Variants in NAALADL2 observed in about 807,000 individuals in gnomAD.
NAALADL2 encodes inactive N-acetylated-alpha-linked acidic dipeptidase-like protein 2.
NAALADL2 carries 76 observed loss-of-function variants against 87.2 expected under a neutral mutation model. That is an observed-to-expected ratio of 0.87 (90% CI 0.72 to 1.05). NAALADL2 has a LOEUF of 1.05. NAALADL2 is among the 50% of genes least tolerant of loss of function. The pLI is 0.00. For missense variants in NAALADL2, 1,089 were observed against 945.8 expected, an observed-to-expected ratio of 1.15 and a Z score of -1.99; for synonymous variants, 354 against 331.0, an observed-to-expected ratio of 1.07 and a Z score of -0.75.
At chr3:175,173,005 A>G (rs988116692) in intron 2 of NAALADL2, among the ~76,000 whole-genome samples, 1 of 152,052 alleles carries the variant, frequency 6.6e-6, no homozygotes, top group Non-Finnish European at 1.5e-5. Context: ...AAATATTGCA[A>G]TGAAGCCAGG....
intron 1 of NAALADL2, among the ~76,000 whole-genome samples, chr3:174,476,931 A>G (rs189737660): frequency 6.6e-6 from 1 of 152,190 alleles, no homozygotes; most frequent in East Asian, 1.9e-4. Flanking sequence ...GAAGTGCGAA[A>G]GATTCAGGGA....
chr3:174,683,357 G>A (rs1727730941), intron 2 of NAALADL2, among the ~76,000 whole-genome samples: 1 of 152,114 alleles, frequency 6.6e-6, no homozygotes. Flanking sequence ...GTCCATTTAA[G>A]TAAAAATTCA....
chr3:175,778,222 G>C (rs1403695125), intron 13 of NAALADL2, among the ~76,000 whole-genome samples: 2 of 152,184 alleles, frequency 1.3e-5, no homozygotes, highest in African/African-American at 4.8e-5. Flanking sequence ...CAGAGTGCCA[G>C]ATAGATTTTT....
intron 1 of NAALADL2, among the ~76,000 whole-genome samples, chr3:174,965,198 C>T (rs893577320): frequency 1.3e-5 from 2 of 152,118 alleles, no homozygotes; most frequent in African/African-American, 4.8e-5. Flanking sequence ...CTGGAGATCT[C>T]AGTTCCTCAC....
At chr3:175,316,474 A>G (rs957883067) in intron 4 of NAALADL2, among the ~76,000 whole-genome samples, 11 of 152,178 alleles carry the variant, frequency 7.2e-5, no homozygotes, top group African/African-American at 2.7e-4. Flanking sequence ...TGAGAGAGAT[A>G]AGTCAGGAAT....
intron 4 of NAALADL2, among the ~76,000 whole-genome samples, chr3:175,280,848 T>C (rs1388574838): frequency 6.6e-6 from 1 of 152,032 alleles, no homozygotes; most frequent in Admixed American, 6.6e-5. Context: ...TGTTTGACCA[T>C]TTTTAATCTT....
chr3:175,058,079 A>AT (rs1234897654), intron 1 of NAALADL2, among the ~76,000 whole-genome samples: 3 of 152,034 alleles, frequency 2.0e-5, no homozygotes, highest in South Asian at 2.1e-4. Context: ...TAGAACAGTG[A>AT]TTTTTTTTCA....
chr3:175,270,717 A>T (rs908685093), intron 4 of NAALADL2, among the ~76,000 whole-genome samples: 4 of 152,172 alleles, frequency 2.6e-5, no homozygotes, highest in Non-Finnish European at 5.9e-5. Flanking sequence ...ATAGCCTGGC[A>T]AAGGTTGACA....
At chr3:175,068,979 T>TTCCAAAACTCTC (rs1715054278) in intron 1 of NAALADL2, among the ~76,000 whole-genome samples, 1 of 151,706 alleles carries the variant, frequency 6.6e-6, no homozygotes, top group South Asian at 2.1e-4. Flanking sequence ...GAGGAGAGAG[T>TTCCAAAACTCTC]TCCAAAAACT....
chr3:175,347,835 A>G (rs1174438811), intron 5 of NAALADL2, among the ~76,000 whole-genome samples: 2 of 152,016 alleles, frequency 1.3e-5, no homozygotes, highest in Admixed American at 6.6e-5. Context: ...TGCTGCCCCC[A>G]TGAACCTGTT....
At chr3:175,310,353 A>G (rs1406002786) in intron 4 of NAALADL2, among the ~76,000 whole-genome samples, 2 of 152,064 alleles carry the variant, frequency 1.3e-5, no homozygotes, top group Admixed American at 6.6e-5. Flanking sequence ...ATATATAAGA[A>G]AATTGGAAGC....
intron 5 of NAALADL2, among the ~76,000 whole-genome samples, chr3:175,440,096 C>T (rs902809824): frequency 6.6e-6 from 1 of 152,254 alleles, no homozygotes; most frequent in South Asian, 2.1e-4. Flanking sequence ...TTTTGTTATT[C>T]TACATGTGGC....
chr3:175,741,264 G>A (rs770360451), intron 12 of NAALADL2, among the ~76,000 whole-genome samples: 4 of 152,126 alleles, frequency 2.6e-5, no homozygotes, highest in Admixed American at 1.3e-4. Flanking sequence ...TTCAAAGATG[G>A]CCATCTTTTT....
intron 5 of NAALADL2, among the ~76,000 whole-genome samples, chr3:175,432,636 A>C (rs1422876796): frequency 6.6e-6 from 1 of 151,990 alleles, no homozygotes; most frequent in Non-Finnish European, 1.5e-5. Flanking sequence ...GCTCCCCTAC[A>C]GTCATTTTCT....
At chr3:175,344,628 C>T (rs542081982) in intron 5 of NAALADL2, among the ~76,000 whole-genome samples, 4 of 152,028 alleles carry the variant, frequency 2.6e-5, no homozygotes, top group Admixed American at 2.6e-4. Flanking sequence ...GGACTATTGA[C>T]ACGTAAGATT....
chr3:175,632,488 C>T (rs1318364777), intron 11 of NAALADL2, among the ~76,000 whole-genome samples: 4 of 151,820 alleles, frequency 2.6e-5, no homozygotes, highest in Admixed American at 6.6e-5. Context: ...TTTCTTTTGA[C>T]GGTGCTTTAA....
chr3:175,278,980 T>G (rs1753938231), intron 4 of NAALADL2, among the ~76,000 whole-genome samples: 1 of 152,168 alleles, frequency 6.6e-6, no homozygotes, highest in African/African-American at 2.4e-5. Flanking sequence ...GTGTAATAGG[T>G]CTACATTCTA....
chr3:174,624,183 A>G (rs1006220121), intron 2 of NAALADL2, among the ~76,000 whole-genome samples: 2 of 103,830 alleles, frequency 1.9e-5, no homozygotes, highest in African/African-American at 7.2e-5. Flanking sequence ...AAGCTTATAC[A>G]CTGAAAAAAA....
At chr3:175,639,396 C>A (rs1346419764) in intron 11 of NAALADL2, among the ~76,000 whole-genome samples, 6 of 143,582 alleles carry the variant, frequency 4.2e-5, no homozygotes, top group African/African-American at 1.6e-4. Context: ...TCTCGGCTCA[C>A]TGCAAGCTCC....
Sources: gnomAD v4.1 joint callset for allele counts (sites outside exome capture counted in the v4.1 genomes callset) on GRCh38, gnomAD v4.1.1 for gene constraint, MANE v1.5 for transcripts, NCBI Gene and HGNC (gene_info 2026-07-23, HGNC 2026-07-21) for gene names.